Variants in ABHD6 observed in about 807,000 individuals in gnomAD.
The protein encoded by ABHD6 is monoacylglycerol lipase ABHD6.
Under a neutral mutation model 38.8 loss-of-function variants are expected in ABHD6, and 33 were observed. That is an observed-to-expected ratio of 0.85 (90% CI 0.64 to 1.14). The LOEUF (loss-of-function observed/expected upper bound fraction) is 1.14, where lower values mean the gene tolerates loss of function less well. Ranked by LOEUF, ABHD6 falls within the 50% of genes most tolerant of loss-of-function variation. The probability of loss-of-function intolerance (pLI) is 0.00; values close to 1 mark genes in which losing one functional copy is unlikely to be tolerated. For synonymous variants in ABHD6, 147 were observed against 161.6 expected (o/e 0.91, Z 0.69); for missense variants, 380 against 422.6 (o/e 0.90, Z 0.88).
chr3:58,274,956 C>A (rs562037953), intron 7 of ABHD6, 141 bp downstream of exon 7: 1 of 1,062,736 alleles, frequency 9.4e-7, no homozygotes, highest in Non-Finnish European at 1.4e-6. Context: ...AGTGTCTCTG[C>A]AGTGCCTGCA....
chr3:58,291,941 C>A (rs1280155462), intron 9 of ABHD6, among the ~76,000 whole-genome samples: 1 of 151,748 alleles, frequency 6.6e-6, no homozygotes, highest in African/African-American at 2.4e-5. Context: ...CAGAGCGAGA[C>A]CCTGTCTCAA....
intron 9 of ABHD6, among the ~76,000 whole-genome samples, chr3:58,289,526 T>C (rs2107479564): frequency 6.6e-6 from 1 of 151,670 alleles, no homozygotes; most frequent in South Asian, 2.1e-4. Context: ...ACACAGCACA[T>C]GTTTCAGAGA....
chr3:58,247,444 T>G (rs2097427199), intron 1 of ABHD6, among the ~76,000 whole-genome samples: 1 of 152,256 alleles, frequency 6.6e-6, no homozygotes, highest in Admixed American at 6.5e-5. Context: ...AGCTGAAGAT[T>G]CGAATTTTAA....
chr3:58,285,372 T>G lies in ABHD6; in HGVS notation c.756T>G (p.Ser252Arg), dbSNP rs149907981. 1.2e-4 allele frequency: 197 copies of G among 1,614,110 alleles called. No individual in the cohort carries two copies. In the African/African-American group the frequency reaches 2.0e-3, roughly 16 times the overall value. The change falls in exon 9 of 10, where the codon AGT (serine) becomes AGG (arginine). Residue 252 changes from serine (S) to arginine (R), a missense_variant. Transcript: ENST00000478253. The surrounding 1 kb of genome is among the most constrained non-coding windows in gnomAD (Gnocchi z 4.9). ...FYRKLFLEIV[S>R]EKSRYSLHQN... is the part of the protein sequence containing the mutation. Reference sequence around the variant, plus strand: ...GACAAGTGTTTTTGGAAATCGTCAGTGAGAAGTCCAGATACTCTCTCCATC... The same window carrying G: ...GACAAGTGTTTTTGGAAATCGTCAGGGAGAAGTCCAGATACTCTCTCCATC...
rs1421468065 is a variant in ABHD6, at chr3:58,286,817, CAT to C, written c.837+1369_837+1370del. On this transcript the variant is annotated intron_variant, in intron 9 of 9. Transcript: ENST00000478253. ...GGTGTGCATATAAGATATATAAGAT[CAT>C]ATATGTGTGTGTGTGTGTGTGTGTG... Among the ~76,000 whole-genome samples, 50 of 72,970 alleles carry C rather than the reference CAT, an allele frequency of 6.9e-4. 4 individuals carry two copies. Among genetic ancestry groups the C allele is most frequent in the Admixed American group, 3.0e-3 (18 of 6,044 alleles). The allele number at this position is 72,970 out of a possible 152,430, so 47.9% of individuals were successfully genotyped here. A position where few individuals can be genotyped will look rare whatever the true frequency, so the allele number is the denominator to read the frequency against.
At chr3:58,262,887 T>C (rs1026339075) in intron 3 of ABHD6, among the ~76,000 whole-genome samples, 2 of 152,110 alleles carry the variant, frequency 1.3e-5, no homozygotes, top group African/African-American at 4.8e-5. Flanking sequence ...CTAGCCAACA[T>C]GGTGAAACCC....
At chr3:58,268,726 T>C (rs1436477330) in intron 4 of ABHD6, among the ~76,000 whole-genome samples, 3 of 152,242 alleles carry the variant, frequency 2.0e-5, no homozygotes, top group Non-Finnish European at 4.4e-5. Context: ...TATAACTGGA[T>C]GTTTGTTTGT....
At chr3:58,290,513 A>G (rs34179589) in intron 9 of ABHD6, among the ~76,000 whole-genome samples, 61,447 of 84,428 alleles carry the variant, frequency 0.73, 23,432 homozygotes, top group East Asian at 0.98. Context: ...CTGGCCTGGC[A>G]GGGGCTGACC....
rs114178506 is a variant in ABHD6, at chr3:58,259,911, C to T, written c.119+3206C>T. Reference sequence around the variant, plus strand: ...CCTGTCTTTTTAGATGTGCCCATTACGGACATTTCACGTAAACGGGGTTAT... The same window carrying T: ...CCTGTCTTTTTAGATGTGCCCATTATGGACATTTCACGTAAACGGGGTTAT... On this transcript the variant is annotated intron_variant, in intron 3 of 9. Transcript: ENST00000478253. The surrounding 1 kb of genome is among the most constrained non-coding windows in gnomAD (Gnocchi z 4.7). Among the ~76,000 whole-genome samples, 280 of 152,252 alleles carry T rather than the reference C, an allele frequency of 1.8e-3. 1 individual carries two copies. Among genetic ancestry groups the T allele is most frequent in the African/African-American group, 6.4e-3 (264 of 41,534 alleles).
Position 58,294,721 on chromosome 3 carries a change from GTCT to G in ABHD6, c.*957_*959del, listed in dbSNP as rs2097466205. The G allele has an allele frequency of 6.6e-6, 1 of 152,592 alleles. No individual in the cohort carries two copies. Among genetic ancestry groups the G allele is most frequent in the African/African-American group, 2.4e-5 (1 of 41,428 alleles). 9.5% of individuals were successfully genotyped at this position (152,592 alleles called of 1,614,324 possible). On this transcript the variant is annotated 3_prime_UTR_variant, in exon 10 of 10. Coordinates refer to ENST00000478253, the MANE Select transcript of ABHD6 (RefSeq NM_001320126.2). ...CAATGACATGAAATAAATTTAATAA[GTCT>G]AGATCAGCAACATGCAGGTGGTTTC...
chr3:58,275,072 A>T (rs1414291690), intron 7 of ABHD6, among the ~76,000 whole-genome samples: 1 of 152,202 alleles, frequency 6.6e-6, no homozygotes, highest in East Asian at 1.9e-4. Flanking sequence ...ACAATGAACT[A>T]CCAGTGGTCA....
At position 58,293,201 on chromosome 3, in the gene ABHD6, A is replaced by C. The variant is rs945435270; in HGVS notation, c.838-388A>C. On this transcript the variant is annotated intron_variant, in intron 9 of 9. Transcript: ENST00000478253. This position sits in a 1 kb window ranked among gnomAD's most constrained non-coding sequence, Gnocchi z 4.4. ...TGATCTCCCACCCTGTGCCATTCCC[A>C]CATCCGTGAATGCTCCTCCCCTGTC... is the stretch of plus-strand genomic sequence containing the variant. 5.9e-5 allele frequency among the ~76,000 whole-genome samples: 9 copies of C among 151,714 alleles called. No individual in the cohort carries two copies. Among genetic ancestry groups the C allele is most frequent in the African/African-American group, 2.2e-4 (9 of 41,254 alleles).
At chr3:58,274,896 C>T in intron 7 of ABHD6, 81 bp downstream of exon 7, 2 of 1,478,638 alleles carry the variant, frequency 1.4e-6, no homozygotes, top group Non-Finnish European at 9.2e-7. Flanking sequence ...GTATTCCCTC[C>T]TTCACCTACT....
intron 7 of ABHD6, among the ~76,000 whole-genome samples, chr3:58,280,255 T>C (rs2097452112): frequency 6.6e-6 from 1 of 152,228 alleles, no homozygotes; most frequent in Admixed American, 6.5e-5. Flanking sequence ...TATTTTCACA[T>C]AGTCCCGTAT....
At chr3:58,264,329 T>A (rs2107446836) in intron 3 of ABHD6, among the ~76,000 whole-genome samples, 1 of 151,948 alleles carries the variant, frequency 6.6e-6, no homozygotes, top group Middle Eastern at 3.4e-3. Flanking sequence ...AGATTCTTGA[T>A]ATTTTATGCC....
At chr3:58,288,720 A>T (rs1229488525) in intron 9 of ABHD6, among the ~76,000 whole-genome samples, 1 of 152,212 alleles carries the variant, frequency 6.6e-6, no homozygotes, top group Non-Finnish European at 1.5e-5. Flanking sequence ...CAAGACAGCC[A>T]GGATCCCTGC....
At chr3:58,255,288 A>T (rs560519961) in intron 2 of ABHD6, among the ~76,000 whole-genome samples, 56 of 152,240 alleles carry the variant, frequency 3.7e-4, no homozygotes, top group African/African-American at 1.3e-3. Flanking sequence ...TATTTTTTGA[A>T]TTGGTTACAT....
intron 3 of ABHD6, among the ~76,000 whole-genome samples, chr3:58,264,517 C>T (rs1054523292): frequency 6.6e-6 from 1 of 151,680 alleles, no homozygotes; most frequent in Non-Finnish European, 1.5e-5. Context: ...CAGGGAGACC[C>T]AGTCTCTACC....
intron 9 of ABHD6, among the ~76,000 whole-genome samples, chr3:58,291,185 T>C (rs1323304930): frequency 8.6e-5 from 9 of 104,440 alleles, no homozygotes; most frequent in Middle Eastern, 4.0e-3. Context: ...GAGACCAGCC[T>C]GGCCAACACA....
Sources: allele counts gnomAD v4.1 joint callset (sites outside exome capture counted in the v4.1 genomes callset), GRCh38; gene constraint gnomAD v4.1.1; non-coding constraint Gnocchi (gnomAD v3.1); transcripts MANE v1.5; gene names NCBI Gene and HGNC (gene_info 2026-07-23, HGNC 2026-07-21).